The following BCR variants were observed in gnomAD, a reference collection of about 807,000 sequenced individuals.
BCR encodes the protein breakpoint cluster region protein.
BCR carries 58 observed loss-of-function variants against 138.6 expected under a neutral mutation model. The ratio of observed to expected loss-of-function variants is 0.42; its 90% CI spans 0.34 to 0.52. The LOEUF (loss-of-function observed/expected upper bound fraction) is 0.52, where lower values mean the gene tolerates loss of function less well. Among genes scored for constraint, BCR ranks in the 20% least tolerant of loss-of-function variants. The probability of loss-of-function intolerance (pLI) is 0.06; values close to 1 mark genes in which losing one functional copy is unlikely to be tolerated. For synonymous variants in BCR, 786 were observed against 730.1 expected, an observed-to-expected ratio of 1.08 and a Z score of -1.23; for missense variants, 1,599 against 1,727.2, an observed-to-expected ratio of 0.93 and a Z score of 1.32.
rs542045442 is a variant in BCR at position 23,233,616 on chromosome 22, C to T, written c.1280-20183C>T. ...CAGCCTGGCTAACATGGTGAAACCC[C>T]GTCTTTGCTAAAAATATAAAAATTA... On this transcript the variant is annotated intron_variant, in intron 1 of 22. Transcript: ENST00000305877. 2.4e-4 allele frequency among the ~76,000 whole-genome samples: 36 copies of T among 151,900 alleles called. 1 individual carries two copies. In the South Asian group the frequency reaches 6.5e-3, roughly 27 times the overall value.
chr22:23,253,614 G>A (rs1222562848), intron 1 of BCR, among the ~76,000 whole-genome samples, 185 bp from the exon 2 acceptor site: 3 of 152,194 alleles, frequency 2.0e-5, no homozygotes, highest in Admixed American at 2.0e-4. Context: ...GTGAGCTCAT[G>A]TTCATCCCCC....
At chr22:23,297,204 G>GTTTTTT (rs1568979500) in intron 16 of BCR, among the ~76,000 whole-genome samples, 3 of 124,156 alleles carry the variant, frequency 2.4e-5, no homozygotes, top group African/African-American at 7.0e-5. Context: ...GCCTGGCTAA[G>GTTTTTT]TTGTTTTTTG....
At chr22:23,202,259 G>A (rs1201640345) in intron 1 of BCR, among the ~76,000 whole-genome samples, 1 of 151,948 alleles carries the variant, frequency 6.6e-6, no homozygotes, top group East Asian at 1.9e-4. Context: ...CTTTAAAGCA[G>A]CCAATTTAAT....
At chr22:23,296,342 C>G (rs1316357479) in intron 16 of BCR, among the ~76,000 whole-genome samples, 2 of 139,526 alleles carry the variant, frequency 1.4e-5, no homozygotes, top group Non-Finnish European at 3.0e-5. Flanking sequence ...CCGCTGATCT[C>G]TAGCCTGGGT....
At chr22:23,310,906 G>A (rs926507129) in intron 18 of BCR, among the ~76,000 whole-genome samples, 8 of 150,506 alleles carry the variant, frequency 5.3e-5, no homozygotes, top group Admixed American at 6.6e-5. Flanking sequence ...TCATACCCTG[G>A]ACTCCTATCT....
chr22:23,292,312 G>A (rs929982006), intron 14 of BCR, among the ~76,000 whole-genome samples: 3 of 152,200 alleles, frequency 2.0e-5, no homozygotes, highest in Non-Finnish European at 4.4e-5. Flanking sequence ...GGGAAGTCCC[G>A]TTTCCCAGCC....
At chr22:23,281,886 G>A (rs1032814346) in intron 8 of BCR, among the ~76,000 whole-genome samples, 2 of 152,258 alleles carry the variant, frequency 1.3e-5, no homozygotes, top group Non-Finnish European at 2.9e-5. Context: ...GCTGAAGGCC[G>A]AGGGTGCCCC....
chr22:23,314,784 C>A, intron 22 of BCR, 70 bp downstream of exon 22: 3 of 1,555,852 alleles, frequency 1.9e-6, no homozygotes, highest in East Asian at 2.3e-5. Context: ...GCCCCACCCC[C>A]AGTCCTGCCC....
At chr22:23,222,583 G>A (rs923620793) in intron 1 of BCR, among the ~76,000 whole-genome samples, 4 of 152,176 alleles carry the variant, frequency 2.6e-5, no homozygotes, top group East Asian at 1.9e-4. Flanking sequence ...GGCAAAGGGC[G>A]AAGGGTAGAA....
intron 16 of BCR, among the ~76,000 whole-genome samples, chr22:23,305,219 T>C (rs1054034190): frequency 5.4e-5 from 8 of 149,378 alleles, no homozygotes; most frequent in African/African-American, 1.5e-4. Context: ...ACAGAGGTTC[T>C]CTGGTGGTCT....
At chr22:23,231,534 A>AAAAT (rs754353626) in intron 1 of BCR, among the ~76,000 whole-genome samples, 11 of 148,698 alleles carry the variant, frequency 7.4e-5, no homozygotes, top group African/African-American at 2.8e-4. Flanking sequence ...AAAATAAAAT[A>AAAAT]AAATAAAATA....
At chr22:23,231,323 C>T (rs2072955725) in intron 1 of BCR, among the ~76,000 whole-genome samples, 1 of 151,776 alleles carries the variant, frequency 6.6e-6, no homozygotes, top group Non-Finnish European at 1.5e-5. Context: ...GCCTGGGCAA[C>T]CTAGTGAGAC....
rs539457748 is a variant in BCR, at chr22:23,290,355, G to A, written c.2724G>A (p.Gly908=). ...CTTGCGCAGATGATGAGTCTCCGGG[G>A]CTCTATGGGTTTCTGAATGTCATCG... is the stretch of plus-strand genomic sequence containing the variant. ...TINKEDDESP[G]LYGFLNVIVH... is the part of the protein sequence containing the mutation. Residue 908 remains glycine, a synonymous_variant, in exon 14 of 23, where the codon GGG becomes GGA. Coordinates refer to ENST00000305877, the MANE Select transcript of BCR (RefSeq NM_004327.4). 1.9e-6 allele frequency: 3 copies of A among 1,614,086 alleles called. No individual in the cohort carries two copies. The highest frequency in any genetic ancestry group is 2.5e-6 in the Non-Finnish European group (3 of 1,179,944).
intron 9 of BCR, 42 bp from the exon 10 acceptor site, chr22:23,284,991 G>T: frequency 6.3e-7 from 1 of 1,591,266 alleles, no homozygotes; most frequent in Non-Finnish European, 8.6e-7. Flanking sequence ...AGCCATAGAA[G>T]GCAGTCGGTG....
In BCR at chr22:23,180,851, G is replaced by GC. The variant is rs1164868855; in HGVS notation, c.-109dup. ...CATTGTTCGCCGCCGCCGCCGCCGC[G>GC]CGGGCCATGGGGGCCGCCCGGCGCC... On this transcript the variant is annotated 5_prime_UTR_variant, in exon 1 of 23. Transcript: ENST00000305877. 1 of 353,926 alleles carries GC rather than the reference G, an allele frequency of 2.8e-6. No individual in the cohort carries two copies. The highest frequency in any genetic ancestry group is 1.5e-4 in the African/African-American group (1 of 6,558). The allele number at this position is 353,926 out of a possible 1,614,324, so 21.9% of individuals were successfully genotyped here.
chr22:23,228,183 A>T (rs1050593514), intron 1 of BCR, among the ~76,000 whole-genome samples: 2 of 152,162 alleles, frequency 1.3e-5, no homozygotes, highest in Non-Finnish European at 2.9e-5. Flanking sequence ...TTTAAAAAAA[A>T]TTTTAGAGAC....
chr22:23,272,949 T>C lies in BCR; in HGVS notation c.1922-132T>C, dbSNP rs2073526453. The C allele has an allele frequency of 4.3e-6, 4 of 926,190 alleles. No individual in the cohort carries two copies. In the South Asian group the frequency reaches 4.4e-5, roughly 10 times the overall value. The allele number at this position is 926,190 out of a possible 1,614,324, so 57.4% of individuals were successfully genotyped here. A position where few individuals can be genotyped will look rare whatever the true frequency, so the allele number is the denominator to read the frequency against. ...GGTGCTCTAGCCTTGCCCTTGTCACTGCGCAGAGGGGAGATGGGGCCTGTG... is the reference window on the plus strand; with the variant it reads ...GGTGCTCTAGCCTTGCCCTTGTCACCGCGCAGAGGGGAGATGGGGCCTGTG... On this transcript the variant is annotated intron_variant, in intron 6 of 22. Transcript: ENST00000305877.
intron 1 of BCR, among the ~76,000 whole-genome samples, chr22:23,229,884 A>G (rs961025720): frequency 1.3e-5 from 2 of 152,164 alleles, no homozygotes; most frequent in Non-Finnish European, 2.9e-5. Context: ...TAGAGTGGAA[A>G]GAGTCCACGG....
Position 23,181,647 on chromosome 22 carries a change from C to T in BCR, c.687C>T (p.Pro229=), listed in dbSNP as rs1453804299. ...AGSSVGDASR[P]PYRGRSSESS... ...CGAGCGTGGGGGATGCATCCAGGCCCCCTTACCGGGGACGCTCCTCGGAGA... is the reference window on the plus strand; with the variant it reads ...CGAGCGTGGGGGATGCATCCAGGCCTCCTTACCGGGGACGCTCCTCGGAGA... Residue 229 remains proline, a synonymous_variant, in exon 1 of 23, where the codon CCC becomes CCT. Transcript: ENST00000305877. 2.5e-6 allele frequency: 4 copies of T among 1,609,462 alleles called. No individual in the cohort carries two copies. The highest frequency in any genetic ancestry group is 2.2e-5 in the South Asian group (2 of 91,078).
Sources: gnomAD v4.1 joint callset for allele counts (sites outside exome capture counted in the v4.1 genomes callset) on GRCh38, gnomAD v4.1.1 for gene constraint, MANE v1.5 for transcripts, NCBI Gene and HGNC (gene_info 2026-07-23, HGNC 2026-07-21) for gene names.